The following BLNK variants were observed in gnomAD, a reference collection of about 807,000 sequenced individuals.
BLNK encodes B cell linker, also known as B-cell linker protein.
A neutral mutation model predicts 73.5 loss-of-function variants in BLNK; 29 were observed. That is an observed-to-expected ratio of 0.39 (90% CI 0.29 to 0.54). The LOEUF is 0.54. Among genes scored for constraint, BLNK ranks in the 20% least tolerant of loss-of-function variants. The pLI is 0.61. For missense variants in BLNK, 460 were observed against 562.8 expected (o/e 0.82, Z 1.85); for synonymous variants, 176 against 200.8 (o/e 0.88, Z 1.04).
intron 4 of BLNK, among the ~76,000 whole-genome samples, chr10:96,228,447 G>T (rs1240197238): frequency 2.6e-5 from 4 of 152,098 alleles, no homozygotes; most frequent in African/African-American, 9.7e-5. Flanking sequence ...AGTAAAGCTG[G>T]GGTTTCACCA....
chr10:96,213,791 G>A (rs587707990), intron 8 of BLNK, among the ~76,000 whole-genome samples: 11 of 152,274 alleles, frequency 7.2e-5, no homozygotes, highest in African/African-American at 2.2e-4. Flanking sequence ...CTGAGTTATC[G>A]GGAGTTAGGA....
chr10:96,252,278 C>A (rs1449618558), intron 1 of BLNK, among the ~76,000 whole-genome samples: 15 of 152,130 alleles, frequency 9.9e-5, no homozygotes, highest in Non-Finnish European at 1.5e-5. Flanking sequence ...GTCTTGAACT[C>A]CTGACCTCGT....
chr10:96,224,974 A>G (rs2084284583), intron 5 of BLNK, among the ~76,000 whole-genome samples: 1 of 152,198 alleles, frequency 6.6e-6, no homozygotes, highest in African/African-American at 2.4e-5. Flanking sequence ...TTAGGATTAC[A>G]GGCATGAGCC....
chr10:96,238,976 C>G (rs189488341), intron 3 of BLNK: 113 of 396,040 alleles, frequency 2.9e-4, no homozygotes, highest in African/African-American at 2.1e-3. Flanking sequence ...TCCAGTAGTT[C>G]TAGGGTGGGG....
At position 96,191,754 on chromosome 10, in the gene BLNK, A is replaced by G. The variant is rs782368664; in HGVS notation, c.*219T>C. 7.8e-5 allele frequency: 40 copies of G among 514,692 alleles called. No individual in the cohort carries two copies. The highest frequency in any genetic ancestry group is 5.3e-4 in the Middle Eastern group (1 of 1,880). 31.9% of individuals were successfully genotyped at this position (514,692 alleles called of 1,614,324 possible). On this transcript the variant is annotated 3_prime_UTR_variant, in exon 17 of 17. Transcript: ENST00000224337. ...AAAATATTAGTAGCATGATAACTCA[A>G]CCTCACCAGATATTAACAGTTCATC...
chr10:96,229,905 G>T (rs1842432180), intron 4 of BLNK, among the ~76,000 whole-genome samples: 1 of 152,106 alleles, frequency 6.6e-6, no homozygotes, highest in Non-Finnish European at 1.5e-5. Context: ...GCACAGCCCA[G>T]GGCTGGGCAC....
rs1554893191 is a variant in BLNK, at chr10:96,190,828, T to A, written c.*1145A>T. Among the ~76,000 whole-genome samples, 3 of 152,214 alleles carry A rather than the reference T, an allele frequency of 2.0e-5. No homozygotes were observed. The highest frequency in any genetic ancestry group is 4.4e-5 in the Non-Finnish European group (3 of 68,032). On this transcript the variant is annotated 3_prime_UTR_variant, in exon 17 of 17. Coordinates refer to ENST00000224337, the MANE Select transcript of BLNK (RefSeq NM_013314.4). ...TTGGACCTGATTCTCCACGATGGTA[T>A]CTCTTTTATTCCTTGGTGTTCACCA...
At chr10:96,221,049 C>T (rs1044091875) in intron 6 of BLNK, among the ~76,000 whole-genome samples, 35 of 152,224 alleles carry the variant, frequency 2.3e-4, no homozygotes, top group African/African-American at 7.0e-4. Context: ...GCTTTCCATA[C>T]ATTATTTTAT....
chr10:96,271,314 A>C, intron 1 of BLNK, 38 bp downstream of exon 1: 1 of 1,605,304 alleles, frequency 6.2e-7, no homozygotes, highest in Non-Finnish European at 8.5e-7. Flanking sequence ...GGGGAAAAAA[A>C]GGAGATGAAG....
Position 96,223,964 on chromosome 10 carries a change from G to A in BLNK, c.387C>T (p.Ser129=). ...TGGGAAGTGTCTTGCTGAAGGGTGG[G>A]GAATGCCTCTGGCTTGATCGATTGT... The part of the protein sequence containing the change: ...YIDNRSSQRH[S]PPFSKTLPSK... Residue 129 remains serine, a synonymous_variant, in exon 6 of 17, where the codon TCC becomes TCT. Coordinates refer to ENST00000224337, the MANE Select transcript of BLNK (RefSeq NM_013314.4). 1 of 1,613,050 alleles carries A rather than the reference G, an allele frequency of 6.2e-7. No individual in the cohort carries two copies. Among genetic ancestry groups the A allele is most frequent in the Non-Finnish European group, 8.5e-7 (1 of 1,180,018 alleles).
intron 3 of BLNK, among the ~76,000 whole-genome samples, chr10:96,234,140 A>T (rs186326853): frequency 1.4e-4 from 21 of 152,330 alleles, no homozygotes; most frequent in Admixed American, 7.8e-4. Flanking sequence ...TGCAGCTGAA[A>T]TCTCATCTGA....
chr10:96,210,142 C>G, intron 8 of BLNK: 1 of 566,724 alleles, frequency 1.8e-6, no homozygotes, highest in Non-Finnish European at 3.2e-6. Flanking sequence ...GTTAGGGACT[C>G]CACCTTAACA....
chr10:96,204,199 C>T (rs2083735093), intron 12 of BLNK, 111 bp from the exon 13 acceptor site: 2 of 1,157,514 alleles, frequency 1.7e-6, no homozygotes, highest in Non-Finnish European at 2.6e-6. Flanking sequence ...TAAATCAATA[C>T]AAATGGCCAA....
At chr10:96,223,075 A>G (rs1404103617) in intron 6 of BLNK, among the ~76,000 whole-genome samples, 1 of 152,220 alleles carries the variant, frequency 6.6e-6, no homozygotes, top group Non-Finnish European at 1.5e-5. Context: ...AGTGGGCTCA[A>G]GCATGCGCAT....
At chr10:96,257,196 C>T (rs1051346549) in intron 1 of BLNK, among the ~76,000 whole-genome samples, 3 of 152,110 alleles carry the variant, frequency 2.0e-5, no homozygotes, top group African/African-American at 7.2e-5. Context: ...AAGGATGAGA[C>T]CGCTGGGAGC....
At chr10:96,207,546 A>G (rs2083848091) in intron 10 of BLNK, among the ~76,000 whole-genome samples, 1 of 152,226 alleles carries the variant, frequency 6.6e-6, no homozygotes, top group Admixed American at 6.5e-5. Flanking sequence ...CTGATACACA[A>G]TGGTCTACCA....
At chr10:96,268,341 A>G (rs1554914761) in intron 1 of BLNK, among the ~76,000 whole-genome samples, 1 of 152,228 alleles carries the variant, frequency 6.6e-6, no homozygotes, top group African/African-American at 2.4e-5. Flanking sequence ...TTTTATGATC[A>G]TAGGAATGTT....
chr10:96,199,699 C>T (rs2083576630), intron 15 of BLNK, among the ~76,000 whole-genome samples: 1 of 152,176 alleles, frequency 6.6e-6, no homozygotes, highest in Non-Finnish European at 1.5e-5. Flanking sequence ...CTATTACAGG[C>T]TGAGGGCAAA....
chr10:96,209,731 T>C, intron 9 of BLNK, 107 bp downstream of exon 9: 1 of 1,368,350 alleles, frequency 7.3e-7, no homozygotes, highest in Non-Finnish European at 1.0e-6. Context: ...TTGGTCCAAG[T>C]TGCAGCCTGC....
Sources: allele counts gnomAD v4.1 joint callset (sites outside exome capture counted in the v4.1 genomes callset), GRCh38; gene constraint gnomAD v4.1.1; transcripts MANE v1.5; gene names NCBI Gene and HGNC (gene_info 2026-07-23, HGNC 2026-07-21).